Variants in LRP6 observed in about 807,000 individuals in gnomAD.
LRP6 encodes LDL receptor related protein 6.
A neutral mutation model predicts 184.1 loss-of-function variants in LRP6; 43 were observed. That is an observed-to-expected ratio of 0.23 (90% confidence interval 0.18 to 0.30). LRP6 has a LOEUF of 0.30. Ranked by LOEUF, LRP6 falls within the 10% of genes least tolerant of loss-of-function variation. The pLI is 1.00. For missense variants in LRP6, 1,571 were observed against 2,005.3 expected (o/e 0.78, Z 4.14); for synonymous variants, 719 against 684.9 (o/e 1.05, Z -0.78).
chr12:12,218,517 ATAC>A (rs1294121272), intron 2 of LRP6, among the ~76,000 whole-genome samples: 3 of 142,968 alleles, frequency 2.1e-5, no homozygotes, highest in African/African-American at 7.8e-5. Flanking sequence ...AATAATAATA[ATAC>A]TATACAATTT....
intron 17 of LRP6, among the ~76,000 whole-genome samples, chr12:12,132,700 T>G (rs1296594327): frequency 2.0e-5 from 3 of 152,234 alleles, no homozygotes; most frequent in Non-Finnish European, 4.4e-5. Context: ...TTAAGAATGT[T>G]ATTGATGAAT....
intron 20 of LRP6, among the ~76,000 whole-genome samples, chr12:12,126,120 T>C (rs1173543268): frequency 6.6e-6 from 1 of 152,126 alleles, no homozygotes; most frequent in Non-Finnish European, 1.5e-5. Context: ...CCAGAAAACA[T>C]TAAAAAGAAG....
chr12:12,192,526 C>T (rs1223905528), intron 3 of LRP6, among the ~76,000 whole-genome samples: 1 of 151,836 alleles, frequency 6.6e-6, no homozygotes, highest in African/African-American at 2.4e-5. Context: ...TTTATAAAAG[C>T]ACATTTTACA....
intron 16 of LRP6, among the ~76,000 whole-genome samples, chr12:12,136,952 C>T (rs764350477): frequency 2.0e-5 from 3 of 152,120 alleles, no homozygotes; most frequent in African/African-American, 7.2e-5. Context: ...ATTCATGTAT[C>T]GACTAAATAA....
chr12:12,164,086 C>T (rs1158877354), intron 9 of LRP6, among the ~76,000 whole-genome samples, 187 bp downstream of exon 9: 1 of 150,502 alleles, frequency 6.6e-6, no homozygotes, highest in Non-Finnish European at 1.5e-5. Context: ...GCCGAGACTG[C>T]ACCACTGCAC....
chr12:12,142,647 C>G, intron 15 of LRP6, among the ~76,000 whole-genome samples: 1 of 151,632 alleles, frequency 6.6e-6, no homozygotes, highest in Non-Finnish European at 1.5e-5. Context: ...GGCAAAACAC[C>G]AACAAATACC....
chr12:12,180,454 T>A (rs990170226), intron 6 of LRP6, among the ~76,000 whole-genome samples: 7 of 152,126 alleles, frequency 4.6e-5, no homozygotes, highest in African/African-American at 1.7e-4. Flanking sequence ...AAGGCATTGG[T>A]ATATACTGAG....
intron 3 of LRP6, among the ~76,000 whole-genome samples, chr12:12,189,915 A>G (rs986315094): frequency 1.3e-5 from 2 of 152,202 alleles, no homozygotes; most frequent in African/African-American, 4.8e-5. Context: ...GAACTGTTTT[A>G]TAACTGTTCA....
chr12:12,192,589 AAG>A (rs1491302187), intron 3 of LRP6, among the ~76,000 whole-genome samples: 1 of 152,092 alleles, frequency 6.6e-6, no homozygotes, highest in Non-Finnish European at 1.5e-5. Flanking sequence ...CAGTAACCAT[AAG>A]AGAGCTGGAG....
chr12:12,169,314 G>A (rs1394234902), intron 7 of LRP6, among the ~76,000 whole-genome samples: 1 of 152,096 alleles, frequency 6.6e-6, no homozygotes, highest in East Asian at 1.9e-4. Context: ...CACTGGTTCA[G>A]ATCAAGTTTT....
At chr12:12,130,189 C>CTT (rs71435892) in intron 19 of LRP6, among the ~76,000 whole-genome samples, 22 of 139,158 alleles carry the variant, frequency 1.6e-4, no homozygotes, top group African/African-American at 3.2e-4. Flanking sequence ...GAATTCTTTT[C>CTT]TTTTTTTTTT....
In LRP6 at chr12:12,188,602, G is replaced by A. The variant is rs531336536; in HGVS notation, c.648-1483C>T. 2.6e-5 allele frequency among the ~76,000 whole-genome samples: 4 copies of A among 152,290 alleles called. No individual in the cohort carries two copies. The South Asian group carries it at 6.2e-4, about 24-fold the overall frequency. On this transcript the variant is annotated intron_variant, in intron 3 of 22. Transcript: ENST00000261349. ...TGTGATTGCACATGGAATGATCTTA[G>A]TCTAAAGCATTATAAATTCAGACAA... is the stretch of plus-strand genomic sequence containing the variant.
Position 12,116,907 on chromosome 12 carries a change from G to T in LRP6, c.*4219C>A, listed in dbSNP as rs989917450. ...TCAGGTACAGGCTTTATGAGACGTA[G>T]ATCAAGTCAGACAATAGCCTGAGAG... On this transcript the variant is annotated 3_prime_UTR_variant, in exon 23 of 23. Coordinates refer to ENST00000261349, the MANE Select transcript of LRP6 (RefSeq NM_002336.3). 3 of 152,078 alleles carry T rather than the reference G, an allele frequency of 2.0e-5. No homozygotes were observed. Among genetic ancestry groups the T allele is most frequent in the Non-Finnish European group, 2.9e-5 (2 of 68,016 alleles). 9.4% of individuals were successfully genotyped at this position (152,078 alleles called of 1,614,324 possible). A position where few individuals can be genotyped will look rare whatever the true frequency, so the allele number is the denominator to read the frequency against.
intron 16 of LRP6, 62 bp downstream of exon 16, chr12:12,138,263 G>A: frequency 2.1e-6 from 3 of 1,423,220 alleles, no homozygotes; most frequent in Non-Finnish European, 3.0e-6. Context: ...ATCCACAAAA[G>A]TACATATTAA....
At chr12:12,259,848 C>T (rs1386893624) in intron 1 of LRP6, among the ~76,000 whole-genome samples, 1 of 152,104 alleles carries the variant, frequency 6.6e-6, no homozygotes, top group Non-Finnish European at 1.5e-5. Flanking sequence ...CACCCTTATC[C>T]GAAGTGAAAA....
At chr12:12,254,143 C>CA (rs34210761) in intron 1 of LRP6, among the ~76,000 whole-genome samples, 8,837 of 74,342 alleles carry the variant, frequency 0.12, 1,008 homozygotes, top group African/African-American at 0.23. Context: ...GACTCTGTCT[C>CA]AAAAAAAAAA....
In LRP6 at chr12:12,159,768, A is replaced by G. The variant is rs113971497; in HGVS notation, c.2464+12T>C. On this transcript the variant is annotated intron_variant, in intron 11 of 22. Transcript: ENST00000261349. ...AGAATATACTGTTTGAGTAAAAAGT[A>G]GTAAAGCTTACCAAGCATATTTGAA... is the stretch of plus-strand genomic sequence containing the variant. 1 of 1,613,470 alleles carries G rather than the reference A, an allele frequency of 6.2e-7. No individual in the cohort carries two copies. Among genetic ancestry groups the G allele is most frequent in the Non-Finnish European group, 8.5e-7 (1 of 1,179,388 alleles).
At chr12:12,261,124 TA>T (rs746058792) in intron 1 of LRP6, among the ~76,000 whole-genome samples, 51 of 152,058 alleles carry the variant, frequency 3.4e-4, no homozygotes, top group Non-Finnish European at 6.6e-4. Context: ...AAAAATCTCT[TA>T]AAAATTGAAT....
intron 22 of LRP6, among the ~76,000 whole-genome samples, chr12:12,122,822 AC>A (rs1949622858): frequency 6.6e-6 from 1 of 151,902 alleles, no homozygotes; most frequent in Middle Eastern, 3.2e-3. Context: ...ACAGAGCAAG[AC>A]CCTGTCTCAA....
Sources: gnomAD v4.1 joint callset for allele counts (sites outside exome capture counted in the v4.1 genomes callset) on GRCh38, gnomAD v4.1.1 for gene constraint, MANE v1.5 for transcripts, NCBI Gene and HGNC (gene_info 2026-07-23, HGNC 2026-07-21) for gene names.